The following ASTE1 variants were observed in gnomAD, a reference collection of about 807,000 sequenced individuals.
ASTE1 encodes the protein single-strand DNA endonuclease ASTE1.
Under a neutral mutation model 45.8 loss-of-function variants are expected in ASTE1, and 49 were observed. That is an observed-to-expected ratio of 1.07 (90% confidence interval 0.85 to 1.36). ASTE1 has a LOEUF of 1.36. Ranked by LOEUF, ASTE1 falls within the 40% of genes most tolerant of loss-of-function variation. ASTE1 has a pLI of 0.00. For synonymous variants in ASTE1, 296 were observed against 303.9 expected, an observed-to-expected ratio of 0.97 and a Z score of 0.27; for missense variants, 709 against 804.0, an observed-to-expected ratio of 0.88 and a Z score of 1.43.
In ASTE1 at chr3:131,024,049, C is replaced by G; in HGVS notation, c.1258G>C (p.Val420Leu). The G allele has an allele frequency of 6.2e-7, 1 of 1,613,254 alleles. No homozygotes were observed. Among genetic ancestry groups the G allele is most frequent in the Non-Finnish European group, 8.5e-7 (1 of 1,179,302 alleles). Reference sequence around the variant, plus strand: ...TCAGAATGATCCTTGGCCAGTTCTACTGCATCAATGATTGAGGTTCTGATA... The same window carrying G: ...TCAGAATGATCCTTGGCCAGTTCTAGTGCATCAATGATTGAGGTTCTGATA... The part of the protein sequence containing the change: ...KNIRTSIIDA[V>L]ELAKDHSDLS... Residue 420 changes from valine (V) to leucine (L), a missense_variant, in exon 3 of 6, where the codon GTA becomes CTA. Val to Leu is a conservative substitution (Grantham distance 32). Coordinates refer to ENST00000264992, the MANE Select transcript of ASTE1 (RefSeq NM_014065.4).
chr3:131,019,275 T>C (rs926485985), intron 3 of ASTE1, among the ~76,000 whole-genome samples: 2 of 152,232 alleles, frequency 1.3e-5, no homozygotes, highest in Admixed American at 1.3e-4. Flanking sequence ...TCCTGTCTCA[T>C]GTCCCTTCCC....
chr3:131,025,224 AT>A lies in ASTE1; in HGVS notation c.82del (p.Ile28LeufsTer51). 2 of 1,614,180 alleles carry A rather than the reference AT, an allele frequency of 1.2e-6. No individual in the cohort carries two copies. Among genetic ancestry groups the A allele is most frequent in the Non-Finnish European group, 1.7e-6 (2 of 1,180,030 alleles). ...GAAAAGAGCATAACCATCAATGACAATTTTTGTGTCCCGCAACTTCAAATCA... is the reference window on the plus strand; with the variant it reads ...GAAAAGAGCATAACCATCAATGACAATTTTGTGTCCCGCAACTTCAAATCA... Reference protein sequence around the residue: ...FTDLKLRDTKIVIDGYALFHR... With the variant: ...FTDLKLRDTKXVIDGYALFHR... On this transcript the variant is annotated frameshift_variant, in exon 3 of 6. Coordinates refer to ENST00000264992, the MANE Select transcript of ASTE1 (RefSeq NM_014065.4). LOFTEE classifies it high-confidence loss of function.
At chr3:131,021,856 T>A (rs1466702) in intron 3 of ASTE1, among the ~76,000 whole-genome samples, 64,432 of 151,858 alleles carry the variant, frequency 0.42, 16,186 homozygotes, top group Middle Eastern at 0.65. Flanking sequence ...ACATTTTTTT[T>A]AAAAAACTCC....
At chr3:131,019,252 CTATT>C (rs548594491) in intron 3 of ASTE1, among the ~76,000 whole-genome samples, 145 of 152,292 alleles carry the variant, frequency 9.5e-4, no homozygotes, top group South Asian at 4.1e-3. Context: ...GGCATATACT[CTATT>C]TGTTTGGGTC....
At chr3:131,016,679 ATAT>A in intron 4 of ASTE1, 1 of 342,232 alleles carries the variant, frequency 2.9e-6, no homozygotes, top group Admixed American at 4.3e-5. Context: ...TGACTATTAA[ATAT>A]TATTCTCTTT....
intron 3 of ASTE1, among the ~76,000 whole-genome samples, chr3:131,020,275 G>A (rs1437536621): frequency 6.6e-6 from 1 of 152,146 alleles, no homozygotes; most frequent in African/African-American, 2.4e-5. Flanking sequence ...TTCCAAAAGG[G>A]GAAGTACTCA....
chr3:131,014,526 G>T lies in ASTE1; in HGVS notation c.1710-139C>A, dbSNP rs1334822773. The T allele has an allele frequency of 3.5e-6, 3 of 847,576 alleles. No homozygotes were observed. The African/African-American group carries it at 5.3e-5, about 15-fold the overall frequency. The allele number at this position is 847,576 out of a possible 1,614,324, so 52.5% of individuals were successfully genotyped here. ...CTATAATATTATCGAAATTACTTAA[G>T]AATAATCTGTTCTTTGAAGGAAGGA... is the stretch of plus-strand genomic sequence containing the variant. On this transcript the variant is annotated intron_variant, in intron 5 of 5. Coordinates refer to ENST00000264992, the MANE Select transcript of ASTE1 (RefSeq NM_014065.4).
rs768690029 is a variant in ASTE1, at chr3:131,024,842, A to G, written c.465T>C (p.Pro155=). The change falls in exon 3 of 6, where the codon CCT becomes CCC. Residue 155 remains proline (P), a synonymous_variant. Transcript: ENST00000264992. The part of the protein sequence containing the change: ...IMTLANHWNC[P]VLSSDSDFCI... ...AAAAGTCACTATCTGATGATAACAC[A>G]GGGCAATTCCAATGGTTAGCAAGTG... The G allele has an allele frequency of 1.2e-6, 2 of 1,614,212 alleles. No homozygotes were observed. The highest frequency in any genetic ancestry group is 2.2e-5 in the East Asian group (1 of 44,878).
intron 4 of ASTE1, chr3:131,017,121 C>T: frequency 9.7e-7 from 1 of 1,027,162 alleles, no homozygotes; most frequent in Non-Finnish European, 1.3e-6. Flanking sequence ...TAGGCTTGTG[C>T]TCTGAGAGCT....
chr3:131,014,736 TAGAA>T (rs1385999375), intron 5 of ASTE1, among the ~76,000 whole-genome samples: 1 of 152,210 alleles, frequency 6.6e-6, no homozygotes. Context: ...GGCAGTTTGT[TAGAA>T]TATGAGAAAA....
At position 131,025,072 on chromosome 3, in the gene ASTE1, C is replaced by T. The variant is rs1420094499; in HGVS notation, c.235G>A (p.Asp79Asn). ...ACNICPYVVL[D>N]GGCDISDKKL... ...TTATCTGAAATGTCACATCCTCCAT[C>T]TAATACAACATATGGGCATATATTA... The change falls in exon 3 of 6, where the codon GAT becomes AAT. Residue 79 changes from aspartate to asparagine, a missense_variant. Coordinates refer to ENST00000264992, the MANE Select transcript of ASTE1 (RefSeq NM_014065.4). 2.5e-6 allele frequency: 4 copies of T among 1,612,082 alleles called. No homozygotes were observed. In the African/African-American group the frequency reaches 5.3e-5, roughly 22 times the overall value.
At chr3:131,017,058 A>G (rs1261240928) in intron 4 of ASTE1, 5 of 1,289,202 alleles carry the variant, frequency 3.9e-6, no homozygotes, top group Non-Finnish European at 5.1e-6. Flanking sequence ...TCCTAAAAGA[A>G]AAGAAACAGA....
At chr3:131,019,080 G>T (rs1376488497) in intron 3 of ASTE1, among the ~76,000 whole-genome samples, 4 of 152,186 alleles carry the variant, frequency 2.6e-5, no homozygotes. Context: ...GAGCCCAGGA[G>T]GAATATACAT....
Position 131,025,510 on chromosome 3 carries a change from TCTC to T in ASTE1, c.-65_-63del. 1 of 843,896 alleles carries T rather than the reference TCTC, an allele frequency of 1.2e-6. No individual in the cohort carries two copies. The allele number at this position is 843,896 out of a possible 1,614,324, so 52.3% of individuals were successfully genotyped here. A position where few individuals can be genotyped will look rare whatever the true frequency, so the allele number is the denominator to read the frequency against. On this transcript the variant is annotated 5_prime_UTR_variant, in exon 2 of 6. Transcript: ENST00000264992. Reference sequence around the variant, plus strand: ...AGCAATGTTAGCTGTGCTTTTTCATTCTCCTTTGCTTTCTGATACAAGGCACAA... The same window carrying T: ...AGCAATGTTAGCTGTGCTTTTTCATTCTTTGCTTTCTGATACAAGGCACAA...
chr3:131,022,281 A>T (rs1035464703), intron 3 of ASTE1, among the ~76,000 whole-genome samples: 3 of 152,148 alleles, frequency 2.0e-5, no homozygotes, highest in Non-Finnish European at 2.9e-5. Context: ...CTTCTCCTTT[A>T]TCTAACTGAG....
chr3:131,025,567 T>C lies in ASTE1; in HGVS notation c.-119A>G, dbSNP rs950814466. Reference sequence around the variant, plus strand: ...CAATGGTTTCATGGGTTGTAATCTTTGGATGGTGACAGAGGCTGCTGCTAA... The same window carrying C: ...CAATGGTTTCATGGGTTGTAATCTTCGGATGGTGACAGAGGCTGCTGCTAA... On this transcript the variant is annotated 5_prime_UTR_variant, in exon 2 of 6. Transcript: ENST00000264992. The C allele has an allele frequency of 8.2e-5, 40 of 486,142 alleles. No homozygotes were observed. Among genetic ancestry groups the C allele is most frequent in the Admixed American group, 1.2e-4 (3 of 25,400 alleles). The allele number at this position is 486,142 out of a possible 1,614,324, so 30.1% of individuals were successfully genotyped here. A position where few individuals can be genotyped will look rare whatever the true frequency, so the allele number is the denominator to read the frequency against.
At chr3:131,018,847 A>G (rs1303690422) in intron 3 of ASTE1, 131 bp from the exon 4 acceptor site, 2 of 862,008 alleles carry the variant, frequency 2.3e-6, no homozygotes, top group Non-Finnish European at 3.5e-6. Flanking sequence ...TTCTTGTGGG[A>G]AAAAAAATCA....
rs200568232 is a variant in ASTE1 at position 131,024,857 on chromosome 3, G to A, written c.450C>T (p.Asn150=). Residue 150 remains asparagine (N), a synonymous_variant, in exon 3 of 6, where the codon AAC becomes AAT. Transcript: ENST00000264992. ...EADRDIMTLA[N]HWNCPVLSSD... ...ATGATAACACAGGGCAATTCCAATG[G>A]TTAGCAAGTGTCATAATGTCCCGAT... 1 of 1,614,106 alleles carries A rather than the reference G, an allele frequency of 6.2e-7. No homozygotes were observed. The highest frequency in any genetic ancestry group is 8.5e-7 in the Non-Finnish European group (1 of 1,180,014).
chr3:131,017,522 A>G (rs1048845591), intron 4 of ASTE1, among the ~76,000 whole-genome samples: 4 of 152,216 alleles, frequency 2.6e-5, no homozygotes, highest in Admixed American at 2.6e-4. Flanking sequence ...ATTAGATAGT[A>G]CTATTCCAGA....
Sources: allele counts gnomAD v4.1 joint callset (sites outside exome capture counted in the v4.1 genomes callset), GRCh38; gene constraint gnomAD v4.1.1; transcripts MANE v1.5; gene names NCBI Gene and HGNC (gene_info 2026-07-23, HGNC 2026-07-21).